The following ATP8B4 variants were observed in gnomAD, a reference collection of about 807,000 sequenced individuals.
ATP8B4 encodes ATPase phospholipid transporting 8B4 (putative).
In ATP8B4, 133 loss-of-function variants were observed where a neutral mutation model predicts 145.6. That is an observed-to-expected ratio of 0.91 (90% confidence interval 0.79 to 1.05). ATP8B4 has a LOEUF of 1.05. ATP8B4 is among the 50% of genes least tolerant of loss of function. The pLI is 0.00. For missense variants in ATP8B4, 1,458 were observed against 1,425.2 expected (o/e 1.02, Z -0.37); for synonymous variants, 507 against 492.9 (o/e 1.03, Z -0.38).
chr15:50,090,534 A>G (rs2055541269), intron 2 of ATP8B4, among the ~76,000 whole-genome samples: 1 of 152,166 alleles, frequency 6.6e-6, no homozygotes. Context: ...GGACACAGTA[A>G]AAACATGGCT....
At chr15:50,151,047 T>C (rs1013084766) in intron 1 of ATP8B4, among the ~76,000 whole-genome samples, 1 of 152,220 alleles carries the variant, frequency 6.6e-6, no homozygotes, top group African/African-American at 2.4e-5. Context: ...TTTTGTAAAT[T>C]GTTGTGTGAC....
intron 13 of ATP8B4, among the ~76,000 whole-genome samples, chr15:49,968,642 C>A (rs2044785379): frequency 6.6e-6 from 1 of 152,082 alleles, no homozygotes; most frequent in African/African-American, 2.4e-5. Context: ...TAGAGACGTA[C>A]AAACAGACTT....
At chr15:49,936,013 A>G (rs72734813) in intron 14 of ATP8B4, among the ~76,000 whole-genome samples, 332 of 152,038 alleles carry the variant, frequency 2.2e-3, no homozygotes, top group Middle Eastern at 0.014. Flanking sequence ...CTATTTCACT[A>G]TAGAGGTTTA....
At chr15:49,901,070 C>A (rs760223061) in intron 21 of ATP8B4, 22 bp downstream of exon 21, 48 of 1,607,158 alleles carry the variant, frequency 3.0e-5, no homozygotes, top group Non-Finnish European at 3.8e-5. Flanking sequence ...AAAGAAAGGA[C>A]AAAAACCTTA....
At chr15:50,007,555 G>A (rs987869028) in intron 7 of ATP8B4, among the ~76,000 whole-genome samples, 1 of 152,332 alleles carries the variant, frequency 6.6e-6, no homozygotes. Context: ...AGGATTAAAT[G>A]AGCTAATCAC....
chr15:50,060,844 G>C (rs1487750497), intron 3 of ATP8B4, among the ~76,000 whole-genome samples: 1 of 152,172 alleles, frequency 6.6e-6, no homozygotes, highest in Non-Finnish European at 1.5e-5. Flanking sequence ...AATGATGCTG[G>C]TCTGTCTGTG....
chr15:49,892,076 A>G (rs2036882055), intron 23 of ATP8B4, among the ~76,000 whole-genome samples: 1 of 150,794 alleles, frequency 6.6e-6, no homozygotes, highest in Non-Finnish European at 1.5e-5. Flanking sequence ...AGATCACACC[A>G]CCGCACTCCA....
At chr15:49,890,493 G>A (rs1454953290) in intron 23 of ATP8B4, among the ~76,000 whole-genome samples, 2 of 152,136 alleles carry the variant, frequency 1.3e-5, no homozygotes, top group Non-Finnish European at 2.9e-5. Context: ...CTATCTAAGG[G>A]GCTTTAGGGG....
intron 2 of ATP8B4, among the ~76,000 whole-genome samples, chr15:50,102,805 G>C (rs1014090139): frequency 6.8e-6 from 1 of 147,020 alleles, no homozygotes; most frequent in African/African-American, 2.5e-5. Flanking sequence ...AAAAACTACA[G>C]AACAATATCC....
intron 1 of ATP8B4, among the ~76,000 whole-genome samples, chr15:50,145,980 T>C (rs910292795): frequency 2.0e-5 from 3 of 151,612 alleles, no homozygotes; most frequent in African/African-American, 7.3e-5. Flanking sequence ...TATATTTTTA[T>C]ATAGTTTTTA....
At chr15:50,134,616 T>A (rs1009612016) in intron 1 of ATP8B4, among the ~76,000 whole-genome samples, 1 of 152,090 alleles carries the variant, frequency 6.6e-6, no homozygotes, top group African/African-American at 2.4e-5. Flanking sequence ...TATGTTAGGG[T>A]TAGATTATGA....
chr15:50,145,026 T>C (rs1362073409), intron 1 of ATP8B4, among the ~76,000 whole-genome samples: 1 of 152,204 alleles, frequency 6.6e-6, no homozygotes, highest in African/African-American at 2.4e-5. Context: ...AATAGAACTT[T>C]TTGCAAGATC....
intron 14 of ATP8B4, among the ~76,000 whole-genome samples, chr15:49,944,590 G>A (rs2042415848): frequency 2.0e-5 from 3 of 152,106 alleles, no homozygotes; most frequent in Admixed American, 2.0e-4. Flanking sequence ...GAACTGAAGG[G>A]AGACTTAGAC....
intron 2 of ATP8B4, among the ~76,000 whole-genome samples, chr15:50,086,236 AAAT>A (rs2055046929): frequency 9.6e-6 from 1 of 104,356 alleles, no homozygotes; most frequent in Non-Finnish European, 1.7e-5. Flanking sequence ...ATATATAATA[AAAT>A]AATATAGAGA....
At chr15:50,085,946 ATATATATCATATATATTTATATAT>A (rs2054945165) in intron 2 of ATP8B4, among the ~76,000 whole-genome samples, 1 of 90,632 alleles carries the variant, frequency 1.1e-5, no homozygotes, top group East Asian at 2.8e-4. Flanking sequence ...TTTATATATG[ATATATATCATATATATTTATATAT>A]GATATATCAA....
intron 7 of ATP8B4, 77 bp from the exon 8 acceptor site, chr15:50,002,300 T>C: frequency 8.3e-7 from 1 of 1,199,808 alleles, no homozygotes; most frequent in Non-Finnish European, 1.2e-6. Flanking sequence ...TATCACCTCT[T>C]GACTACTAAA....
At chr15:50,172,093 C>T (rs919088092) in intron 1 of ATP8B4, among the ~76,000 whole-genome samples, 5 of 152,196 alleles carry the variant, frequency 3.3e-5, no homozygotes, top group Admixed American at 1.3e-4. Flanking sequence ...CAGGACCAGA[C>T]GGATTCACAG....
intron 6 of ATP8B4, among the ~76,000 whole-genome samples, chr15:50,025,377 C>A (rs1354744486): frequency 3.9e-5 from 6 of 152,164 alleles, no homozygotes; most frequent in Non-Finnish European, 7.3e-5. Flanking sequence ...CTTCTCCAGC[C>A]CTGTCTGCCC....
At chr15:50,056,273 T>C (rs796718754) in intron 3 of ATP8B4, among the ~76,000 whole-genome samples, 10 of 152,298 alleles carry the variant, frequency 6.6e-5, no homozygotes, top group African/African-American at 2.4e-4. Context: ...GCAATAATGT[T>C]ATTGAGCCAG....
Sources: gnomAD v4.1 joint callset for allele counts (sites outside exome capture counted in the v4.1 genomes callset) on GRCh38, gnomAD v4.1.1 for gene constraint, MANE v1.5 for transcripts, NCBI Gene and HGNC (gene_info 2026-07-23, HGNC 2026-07-21) for gene names.